The following NAA15 variants were observed in gnomAD, a reference collection of about 807,000 sequenced individuals.
NAA15 encodes N-alpha-acetyltransferase 15, NatA auxiliary subunit.
A neutral mutation model predicts 114.0 loss-of-function variants in NAA15; 34 were observed. That is an observed-to-expected ratio of 0.30 (90% CI 0.23 to 0.40). The LOEUF (loss-of-function observed/expected upper bound fraction) is 0.40. NAA15 is among the 10% of genes least tolerant of loss of function. NAA15 has a pLI of 1.00. For synonymous variants in NAA15, 340 were observed against 338.0 expected, an observed-to-expected ratio of 1.01 and a Z score of -0.06; for missense variants, 658 against 1,004.5, an observed-to-expected ratio of 0.66 and a Z score of 4.66.
rs548528713 is a variant in NAA15, at chr4:139,390,674, AAAT to A, written c.*2591_*2593del. 1.7e-4 allele frequency: 26 copies of A among 152,560 alleles called. No individual in the cohort carries two copies. In the East Asian group the frequency reaches 3.7e-3, roughly 21 times the overall value. The allele number at this position is 152,560 out of a possible 1,614,324, so 9.5% of individuals were successfully genotyped here. On this transcript the variant is annotated 3_prime_UTR_variant, in exon 20 of 20. Coordinates refer to ENST00000296543, the MANE Select transcript of NAA15 (RefSeq NM_057175.5). The stretch of plus-strand genomic sequence containing the variant: ...CTTGTCATTTCTCGTTGAAAAACTA[AAAT>A]CTGACTAGGTTAGTTTACTCAGCTT...
At position 139,310,520 on chromosome 4, in the gene NAA15, C is replaced by A. The variant is rs114103522; in HGVS notation, c.54+8689C>A. Among the ~76,000 whole-genome samples, 814 of 151,298 alleles carry A rather than the reference C, an allele frequency of 5.4e-3. 21 individuals carry two copies. Among genetic ancestry groups the A allele is most frequent in the African/African-American group, 0.019 (779 of 41,166 alleles). On this transcript the variant is annotated intron_variant, in intron 1 of 19. Coordinates refer to ENST00000296543, the MANE Select transcript of NAA15 (RefSeq NM_057175.5). ...CGTATAAAGGATCATATGCAAAGGA[C>A]TGTTCAGAATTTTCTCCCCCAGATA...
In NAA15 at chr4:139,389,461, G is replaced by A. The variant is rs1748992622; in HGVS notation, c.*1377G>A. Reference sequence around the variant, plus strand: ...TTTTTAGAAGGGGCTAAGTGCTGGTGTCAGGGAAATTCCATAATGAAGTAG... The same window carrying A: ...TTTTTAGAAGGGGCTAAGTGCTGGTATCAGGGAAATTCCATAATGAAGTAG... On this transcript the variant is annotated 3_prime_UTR_variant, in exon 20 of 20. Coordinates refer to ENST00000296543, the MANE Select transcript of NAA15 (RefSeq NM_057175.5). The A allele has an allele frequency of 6.6e-6, 1 of 152,584 alleles. No homozygotes were observed. The highest frequency in any genetic ancestry group is 1.5e-5 in the Non-Finnish European group (1 of 68,042). 9.5% of individuals were successfully genotyped at this position (152,584 alleles called of 1,614,324 possible). A position where few individuals can be genotyped will look rare whatever the true frequency, so the allele number is the denominator to read the frequency against.
intron 10 of NAA15, among the ~76,000 whole-genome samples, chr4:139,355,927 C>T (rs1210288258): frequency 6.6e-6 from 1 of 152,158 alleles, no homozygotes; most frequent in Admixed American, 6.5e-5. Context: ...TTTTCTTCCT[C>T]TATTACCTGT....
chr4:139,352,793 A>C (rs1158846188), intron 9 of NAA15, among the ~76,000 whole-genome samples: 1 of 146,526 alleles, frequency 6.8e-6, no homozygotes, highest in African/African-American at 2.6e-5. Context: ...TCAGCCTCCC[A>C]AGTAGCTGCG....
intron 1 of NAA15, among the ~76,000 whole-genome samples, chr4:139,332,125 A>G (rs997386472): frequency 6.6e-6 from 1 of 151,974 alleles, no homozygotes; most frequent in Non-Finnish European, 1.5e-5. Context: ...CTTATTTACT[A>G]AGTCCTATAG....
chr4:139,360,288 A>G (rs926777086), intron 12 of NAA15, among the ~76,000 whole-genome samples: 3 of 152,304 alleles, frequency 2.0e-5, no homozygotes, highest in African/African-American at 7.2e-5. Flanking sequence ...GTGTGTGTTC[A>G]AAAGTTTCAC....
At chr4:139,337,607 A>C (rs1450108079) in intron 3 of NAA15, among the ~76,000 whole-genome samples, 2 of 152,240 alleles carry the variant, frequency 1.3e-5, no homozygotes, top group African/African-American at 4.8e-5. Flanking sequence ...GAAATGTCTG[A>C]GGGAGGATAG....
chr4:139,335,975 T>C (rs1747188565), intron 2 of NAA15, among the ~76,000 whole-genome samples: 1 of 152,126 alleles, frequency 6.6e-6, no homozygotes, highest in Non-Finnish European at 1.5e-5. Flanking sequence ...GCCAGGCTGA[T>C]CTGGAACTCC....
At chr4:139,383,670 C>T (rs941838589) in intron 17 of NAA15, among the ~76,000 whole-genome samples, 3 of 152,156 alleles carry the variant, frequency 2.0e-5, no homozygotes, top group Non-Finnish European at 2.9e-5. Context: ...GGGGTTTCGC[C>T]ATGTTGGCCA....
intron 1 of NAA15, among the ~76,000 whole-genome samples, chr4:139,319,734 A>G (rs1746537398): frequency 6.6e-6 from 1 of 152,056 alleles, no homozygotes; most frequent in Non-Finnish European, 1.5e-5. Context: ...CACCCAGCCA[A>G]GTTCTATTTC....
intron 16 of NAA15, among the ~76,000 whole-genome samples, chr4:139,377,060 T>G (rs1363569155): frequency 6.6e-6 from 1 of 152,208 alleles, no homozygotes; most frequent in African/African-American, 2.4e-5. Flanking sequence ...AATAAGATTT[T>G]AGAGTACTGA....
chr4:139,315,034 AGG>A lies in NAA15; in HGVS notation c.54+13204_54+13205del. ...AGGTTAGGTTAGGTTAGGTTAGGTT[AGG>A]TTAGGTTAGGTTAGGTTAGTTTAGT... is the stretch of plus-strand genomic sequence containing the variant. On this transcript the variant is annotated intron_variant, in intron 1 of 19. Transcript: ENST00000296543. 3.1e-5 allele frequency among the ~76,000 whole-genome samples: 3 copies of A among 96,652 alleles called. 1 individual carries two copies. The highest frequency in any genetic ancestry group is 5.0e-5 in the African/African-American group (1 of 19,834). The allele number at this position is 96,652 out of a possible 152,430, so 63.4% of individuals were successfully genotyped here. A position where few individuals can be genotyped will look rare whatever the true frequency, so the allele number is the denominator to read the frequency against.
chr4:139,320,918 T>C (rs1560955813), intron 1 of NAA15, among the ~76,000 whole-genome samples: 1 of 152,184 alleles, frequency 6.6e-6, no homozygotes, highest in Non-Finnish European at 1.5e-5. Context: ...CCCAAAGTGT[T>C]GAGGTTACTG....
chr4:139,323,750 C>T (rs1273374832), intron 1 of NAA15, among the ~76,000 whole-genome samples: 1 of 152,142 alleles, frequency 6.6e-6, no homozygotes, highest in African/African-American at 2.4e-5. Flanking sequence ...TGGCTTTTGT[C>T]CAACAGCTGA....
intron 1 of NAA15, among the ~76,000 whole-genome samples, chr4:139,319,156 T>C (rs538700508): frequency 4.5e-4 from 68 of 152,126 alleles, no homozygotes; most frequent in African/African-American, 1.6e-3. Flanking sequence ...TAACCAGGCA[T>C]GGTGGCGCAT....
chr4:139,374,827 T>C (rs191449318), intron 15 of NAA15, among the ~76,000 whole-genome samples: 85 of 152,270 alleles, frequency 5.6e-4, no homozygotes, highest in African/African-American at 2.0e-3. Flanking sequence ...CAGATCTCCT[T>C]TGGGGGAATA....
At chr4:139,385,291 TATA>T (rs1451106884) in intron 18 of NAA15, among the ~76,000 whole-genome samples, 2 of 98,402 alleles carry the variant, frequency 2.0e-5, no homozygotes, top group African/African-American at 7.5e-5. Flanking sequence ...ATAATATATA[TATA>T]TATATAATAT....
chr4:139,386,055 G>C (rs1428295323), intron 18 of NAA15, 78 bp from the exon 19 acceptor site: 1 of 717,900 alleles, frequency 1.4e-6, no homozygotes, highest in African/African-American at 1.8e-5. Context: ...TATCTTGTTT[G>C]CCTTTTATAT....
intron 7 of NAA15, among the ~76,000 whole-genome samples, chr4:139,350,572 T>A (rs1747743031): frequency 6.6e-6 from 1 of 152,234 alleles, no homozygotes; most frequent in Admixed American, 6.5e-5. Flanking sequence ...ATTTGTTTCC[T>A]TCAAGGCTAG....
Sources: allele counts gnomAD v4.1 joint callset (sites outside exome capture counted in the v4.1 genomes callset), GRCh38; gene constraint gnomAD v4.1.1; transcripts MANE v1.5; gene names NCBI Gene and HGNC (gene_info 2026-07-23, HGNC 2026-07-21).